Variants in BEND7 observed in about 807,000 individuals in gnomAD.
The protein encoded by BEND7 is BEN domain containing 7.
In BEND7, 28 loss-of-function variants were observed where a neutral mutation model predicts 50.9. The observed-to-expected ratio is 0.55, with a 90% CI of 0.41 to 0.75. The LOEUF is 0.75. BEND7 is among the 30% of genes least tolerant of loss of function. The pLI is 0.00. For missense variants in BEND7, 477 were observed against 491.3 expected (o/e 0.97, Z 0.28); for synonymous variants, 170 against 183.9 (o/e 0.92, Z 0.61).
intron 6 of BEND7, among the ~76,000 whole-genome samples, chr10:13,475,066 C>T (rs1249575400): frequency 3.3e-5 from 5 of 152,204 alleles, no homozygotes; most frequent in African/African-American, 4.8e-5. Flanking sequence ...TGAGAACCAT[C>T]GTGGAAGGGG....
chr10:13,454,345 C>T (rs1329331032), intron 6 of BEND7, among the ~76,000 whole-genome samples: 2 of 152,098 alleles, frequency 1.3e-5, no homozygotes, highest in Non-Finnish European at 2.9e-5. Context: ...GTGGGTAATG[C>T]CTGTAATTTC....
rs1472139223 is a variant in BEND7, at chr10:13,528,717, G to A, written c.-184C>T. 1.6e-4 allele frequency: 26 copies of A among 163,650 alleles called. No homozygotes were observed. Among genetic ancestry groups the A allele is most frequent in the Non-Finnish European group, 3.0e-4 (24 of 80,830 alleles). The allele number at this position is 163,650 out of a possible 1,614,324, so 10.1% of individuals were successfully genotyped here. A position where few individuals can be genotyped will look rare whatever the true frequency, so the allele number is the denominator to read the frequency against. ...GAGGAACCACCGCGAGCCGGCTCGG[G>A]GCTGCAGGCGCGGGGCCCGGCGGCG... is the stretch of plus-strand genomic sequence containing the variant. On this transcript the variant is annotated 5_prime_UTR_variant, in exon 1 of 9. Coordinates refer to ENST00000466271, the MANE Select transcript of BEND7 (RefSeq NM_001369863.1).
At chr10:13,485,419 C>T (rs562245261) in intron 5 of BEND7, among the ~76,000 whole-genome samples, 2 of 152,224 alleles carry the variant, frequency 1.3e-5, no homozygotes, top group Non-Finnish European at 2.9e-5. Context: ...TTTGCAGGCA[C>T]GTGCACAGGG....
At chr10:13,505,059 CAAACTG>C (rs1433178924) in intron 2 of BEND7, among the ~76,000 whole-genome samples, 1 of 152,256 alleles carries the variant, frequency 6.6e-6, no homozygotes, top group African/African-American at 2.4e-5. Context: ...TGGTAACAAA[CAAACTG>C]AGAGAGAGTG....
rs1449156590 is a variant in BEND7, at chr10:13,455,626, G to A, written c.1064-2968C>T. ...GGAGAGAACAGGATACAGGGAGAAG[G>A]AGGAGACGGTCAAAGGCATCACCCT... is the stretch of plus-strand genomic sequence containing the variant. On this transcript the variant is annotated intron_variant, in intron 6 of 8. Transcript: ENST00000466271. 2.6e-5 allele frequency among the ~76,000 whole-genome samples: 4 copies of A among 152,292 alleles called. No homozygotes were observed. The East Asian group carries it at 7.7e-4, about 29-fold the overall frequency.
At chr10:13,529,146 C>G (rs1470311359), upstream of BEND7, among the ~76,000 whole-genome samples, 2 of 143,512 alleles carry the variant, frequency 1.4e-5, no homozygotes, top group African/African-American at 5.0e-5. Flanking sequence ...GGGCCGCCGC[C>G]GGCCTGGCCG....
chr10:13,508,482 G>A (rs1378970572), intron 2 of BEND7, among the ~76,000 whole-genome samples: 2 of 152,126 alleles, frequency 1.3e-5, no homozygotes, highest in Non-Finnish European at 2.9e-5. Flanking sequence ...TGAATGCCAC[G>A]GAAAAGGAAA....
intron 3 of BEND7, among the ~76,000 whole-genome samples, chr10:13,499,211 A>G (rs368359071): frequency 2.5e-4 from 38 of 152,334 alleles, no homozygotes; most frequent in African/African-American, 9.1e-4. Context: ...TAGGAAACTT[A>G]AATTAAGAAA....
intron 4 of BEND7, among the ~76,000 whole-genome samples, chr10:13,493,359 C>A (rs7921099): frequency 1.3e-5 from 2 of 151,992 alleles, no homozygotes; most frequent in East Asian, 3.9e-4. Flanking sequence ...TGATCATTTG[C>A]GCAAGACTGA....
intron 5 of BEND7, among the ~76,000 whole-genome samples, chr10:13,481,921 G>A (rs1003395328): frequency 6.6e-6 from 1 of 152,168 alleles, no homozygotes; most frequent in African/African-American, 2.4e-5. Context: ...CGCTCAGCAC[G>A]CCTTCTCCAA....
intron 5 of BEND7, among the ~76,000 whole-genome samples, chr10:13,488,511 T>A (rs929199814): frequency 1.3e-5 from 2 of 152,150 alleles, no homozygotes; most frequent in South Asian, 4.1e-4. Flanking sequence ...TTTTTTGAGA[T>A]GGAGTCTTGC....
At chr10:13,526,113 G>C (rs1359807534) in intron 2 of BEND7, 25 bp downstream of exon 2, 17 of 1,195,466 alleles carry the variant, frequency 1.4e-5, no homozygotes, top group Non-Finnish European at 1.9e-5. Context: ...GTTTTGCTGA[G>C]GTATTAATTG....
intron 7 of BEND7, among the ~76,000 whole-genome samples, chr10:13,450,463 C>T (rs1306521990): frequency 3.3e-5 from 5 of 152,154 alleles, no homozygotes; most frequent in Non-Finnish European, 7.4e-5. Context: ...TGGGGCCCCA[C>T]TTCTGTGCCC....
At chr10:13,441,979 T>C in intron 8 of BEND7, 1 of 515,640 alleles carries the variant, frequency 1.9e-6, no homozygotes, top group Middle Eastern at 5.2e-4. Context: ...AGGGATGCCT[T>C]CTCTCATCTT....
chr10:13,442,010 G>A (rs1564485200), intron 8 of BEND7: 5 of 492,634 alleles, frequency 1.0e-5, no homozygotes, highest in Non-Finnish European at 1.8e-5. Context: ...CTGGTCTTTG[G>A]TGGAACAGGG....
At position 13,528,542 on chromosome 10, in the gene BEND7, G is replaced by A. The variant is rs2079566190; in HGVS notation, c.-9C>T. 8 of 1,025,556 alleles carry A rather than the reference G, an allele frequency of 7.8e-6. No individual in the cohort carries two copies. Among genetic ancestry groups the A allele is most frequent in the African/African-American group, 1.7e-5 (1 of 57,370 alleles). The allele number at this position is 1,025,556 out of a possible 1,614,324, so 63.5% of individuals were successfully genotyped here. A position where few individuals can be genotyped will look rare whatever the true frequency, so the allele number is the denominator to read the frequency against. On this transcript the variant is annotated 5_prime_UTR_variant, in exon 1 of 9. Transcript: ENST00000466271. Reference sequence around the variant, plus strand: ...CTCTCGGAGAACTCCATGGTGCGGGGAAGGCGGCGGCGGGGGCTGAGGAGG... The same window carrying A: ...CTCTCGGAGAACTCCATGGTGCGGGAAAGGCGGCGGCGGGGGCTGAGGAGG...
intron 5 of BEND7, among the ~76,000 whole-genome samples, chr10:13,482,617 G>C (rs74122766): frequency 0.028 from 4,259 of 152,300 alleles, 203 homozygotes; most frequent in African/African-American, 0.098. Context: ...GTTTGGGCCT[G>C]GTCCCTCCAA....
chr10:13,491,665 C>T (rs2076673319), intron 5 of BEND7, among the ~76,000 whole-genome samples: 1 of 151,650 alleles, frequency 6.6e-6, no homozygotes, highest in Non-Finnish European at 1.5e-5. Flanking sequence ...TTGTCCCCTC[C>T]CTTTGTTAAA....
intron 8 of BEND7, chr10:13,443,962 C>G (rs1835756319): frequency 6.6e-6 from 1 of 152,074 alleles, no homozygotes; most frequent in Non-Finnish European, 1.5e-5. Flanking sequence ...ATGTAAAATG[C>G]CAATTTATGA....
Sources: gnomAD v4.1 joint callset for allele counts (sites outside exome capture counted in the v4.1 genomes callset) on GRCh38, gnomAD v4.1.1 for gene constraint, MANE v1.5 for transcripts, NCBI Gene and HGNC (gene_info 2026-07-23, HGNC 2026-07-21) for gene names.